UGGT2: variants seen among roughly 807,000 people sequenced by gnomAD.
The protein encoded by UGGT2 is UDP-glucose glycoprotein glucosyltransferase 2.
Under a neutral mutation model 192.1 loss-of-function variants are expected in UGGT2, and 180 were observed. That is an observed-to-expected ratio of 0.94 (90% CI 0.83 to 1.06). The LOEUF (loss-of-function observed/expected upper bound fraction) is 1.06. Ranked by LOEUF, UGGT2 falls within the 50% of genes least tolerant of loss-of-function variation. The pLI is 0.00. For missense variants in UGGT2, 1,849 were observed against 1,795.7 expected, an observed-to-expected ratio of 1.03 and a Z score of -0.54; for synonymous variants, 580 against 591.0, an observed-to-expected ratio of 0.98 and a Z score of 0.27.
chr13:95,978,644 G>A (rs181184014), intron 10 of UGGT2, among the ~76,000 whole-genome samples: 1 of 152,128 alleles, frequency 6.6e-6, no homozygotes, highest in Non-Finnish European at 1.5e-5. Context: ...TCTTCTAGCA[G>A]TTTCACAGTT....
chr13:95,989,652 G>T, intron 8 of UGGT2: 1 of 310,390 alleles, frequency 3.2e-6, no homozygotes, highest in Non-Finnish European at 6.7e-6. Flanking sequence ...TCCTTACCTA[G>T]GAGTTAGGAC....
At chr13:95,908,241 G>C (rs558388359) in intron 20 of UGGT2, among the ~76,000 whole-genome samples, 1 of 152,170 alleles carries the variant, frequency 6.6e-6, no homozygotes, top group African/African-American at 2.4e-5. Flanking sequence ...AAGAAATATG[G>C]AACTATGTGA....
intron 20 of UGGT2, among the ~76,000 whole-genome samples, chr13:95,924,393 C>CTTTTTTTTTTTTT (rs59757283): frequency 9.9e-4 from 63 of 63,370 alleles, no homozygotes; most frequent in Non-Finnish European, 1.4e-3. Flanking sequence ...TCCCAAACAG[C>CTTTTTTTTTTTTT]TTTTTTTTTT....
At chr13:95,964,413 G>T (rs1430802717) in intron 12 of UGGT2, among the ~76,000 whole-genome samples, 2 of 152,204 alleles carry the variant, frequency 1.3e-5, no homozygotes, top group Non-Finnish European at 1.5e-5. Context: ...AATAGGTAAA[G>T]ATTTTATGGC....
chr13:95,863,200 T>C (rs984433226), intron 31 of UGGT2, among the ~76,000 whole-genome samples: 1 of 152,244 alleles, frequency 6.6e-6, no homozygotes. Flanking sequence ...ACAGTATAGG[T>C]ATCAATCTAA....
intron 36 of UGGT2, among the ~76,000 whole-genome samples, chr13:95,849,063 C>T (rs2140007072): frequency 6.6e-6 from 1 of 151,734 alleles, no homozygotes; most frequent in South Asian, 2.1e-4. Flanking sequence ...TTTTAAATTC[C>T]ACTTGTTTAT....
intron 16 of UGGT2, among the ~76,000 whole-genome samples, chr13:95,938,584 G>T (rs1408475840): frequency 6.6e-6 from 1 of 152,152 alleles, no homozygotes; most frequent in Non-Finnish European, 1.5e-5. Context: ...TATACTATCT[G>T]TACGTTTAGT....
intron 12 of UGGT2, among the ~76,000 whole-genome samples, chr13:95,957,321 T>C (rs932326643): frequency 6.6e-6 from 1 of 152,238 alleles, no homozygotes; most frequent in East Asian, 1.9e-4. Flanking sequence ...ATGCCATGTA[T>C]ATCTAACCTG....
chr13:95,964,483 C>T (rs933855041), intron 12 of UGGT2, among the ~76,000 whole-genome samples: 1 of 151,976 alleles, frequency 6.6e-6, no homozygotes, highest in Non-Finnish European at 1.5e-5. Context: ...AAACCTTCTG[C>T]ACAGCAAAGG....
At chr13:95,920,025 C>T (rs966001361) in intron 20 of UGGT2, among the ~76,000 whole-genome samples, 11 of 152,052 alleles carry the variant, frequency 7.2e-5, no homozygotes, top group African/African-American at 2.4e-4. Context: ...TGGAACAGAA[C>T]AGAGAACTCA....
At chr13:96,026,960 C>A (rs904856938) in intron 2 of UGGT2, among the ~76,000 whole-genome samples, 2 of 152,058 alleles carry the variant, frequency 1.3e-5, no homozygotes, top group Non-Finnish European at 2.9e-5. Flanking sequence ...CGTGAGCCAC[C>A]GCGCCCAGCC....
rs1455062333 is a variant in UGGT2 at position 95,965,074 on chromosome 13, T to C, written c.1335+5038A>G. On this transcript the variant is annotated intron_variant, in intron 12 of 38. Transcript: ENST00000376747. ...TCACACCAGTTAGAATGGCGATCAT[T>C]AAAAAGTCAGGAAACAACAGGTGCT... Among the ~76,000 whole-genome samples the C allele has an allele frequency of 2.0e-5, 3 of 150,434 alleles. 1 individual carries two copies. Among genetic ancestry groups the C allele is most frequent in the Non-Finnish European group, 1.5e-5 (1 of 67,246 alleles).
chr13:95,927,987 G>GTTA (rs2049086636), intron 17 of UGGT2, among the ~76,000 whole-genome samples: 2 of 152,160 alleles, frequency 1.3e-5, no homozygotes, highest in Non-Finnish European at 2.9e-5. Context: ...TGGGGGTAAG[G>GTTA]TTATAGATTA....
At chr13:95,873,540 C>T (rs1381270868) in intron 29 of UGGT2, among the ~76,000 whole-genome samples, 36 of 152,152 alleles carry the variant, frequency 2.4e-4, no homozygotes, top group Admixed American at 2.4e-3. Flanking sequence ...TTCAAACAGA[C>T]CAAAAGTGAC....
intron 9 of UGGT2, among the ~76,000 whole-genome samples, chr13:95,984,388 G>A (rs907982089): frequency 1.6e-4 from 24 of 152,030 alleles, no homozygotes; most frequent in Admixed American, 6.6e-5. Flanking sequence ...GACTGCAGTG[G>A]CATGATCACA....
At chr13:95,948,103 T>C in intron 13 of UGGT2, 22 bp from the exon 14 acceptor site, 1 of 1,582,940 alleles carries the variant, frequency 6.3e-7, no homozygotes, top group Non-Finnish European at 8.7e-7. Flanking sequence ...ATAGTATATA[T>C]CACTATTTCA....
In UGGT2 at chr13:95,877,337, C is replaced by T. The variant is rs763895939; in HGVS notation, c.3415G>A (p.Gly1139Ser). 1.3e-5 allele frequency: 21 copies of T among 1,606,554 alleles called. No homozygotes were observed. Among genetic ancestry groups the T allele is most frequent in the Non-Finnish European group, 1.4e-5 (17 of 1,177,564 alleles). ...TGGTGTAACCTCAGTATCCAAGCACCTGGGTTTGCTTTTAATTGAAAATAC... is the reference window on the plus strand; with the variant it reads ...TGGTGTAACCTCAGTATCCAAGCACTTGGGTTTGCTTTTAATTGAAAATAC... ...HGYFQLKANP[G>S]AWILRLHQGK... Residue 1139 changes from glycine (G) to serine (S), a missense_variant, in exon 29 of 39, where the codon GGT becomes AGT. Physicochemically the swap from Gly to Ser is moderately conservative, Grantham distance 56. Transcript: ENST00000376747.
rs566495260 is a variant in UGGT2 at position 96,051,362 on chromosome 13, G to C, written c.158+1793C>G. Among the ~76,000 whole-genome samples, 3 of 152,240 alleles carry C rather than the reference G, an allele frequency of 2.0e-5. No homozygotes were observed. The East Asian group carries it at 5.8e-4, about 29-fold the overall frequency. On this transcript the variant is annotated intron_variant, in intron 1 of 38. Transcript: ENST00000376747. ...TTGGGGGAGCGGGGGATAGCATTAG[G>C]AGATACACCTAATGTAAATGATGAG...
chr13:95,847,086 G>T (rs1888550186), intron 36 of UGGT2, among the ~76,000 whole-genome samples: 3 of 140,234 alleles, frequency 2.1e-5, no homozygotes, highest in South Asian at 2.2e-4. Flanking sequence ...TTTACTGATT[G>T]CCATTCTAAC....
Sources: gnomAD v4.1 joint callset for allele counts (sites outside exome capture counted in the v4.1 genomes callset) on GRCh38, gnomAD v4.1.1 for gene constraint, MANE v1.5 for transcripts, NCBI Gene and HGNC (gene_info 2026-07-23, HGNC 2026-07-21) for gene names.